TNRC18: variants seen among roughly 807,000 people sequenced by gnomAD.
TNRC18 encodes the protein trinucleotide repeat-containing gene 18 protein.
A neutral mutation model predicts 226.7 loss-of-function variants in TNRC18; 69 were observed. The observed-to-expected ratio is 0.30, with a 90% CI of 0.25 to 0.37. The LOEUF (loss-of-function observed/expected upper bound fraction) is 0.37, where lower values mean the gene tolerates loss of function less well. TNRC18 is among the 10% of genes least tolerant of loss of function. The pLI, the probability that TNRC18 is intolerant of heterozygous loss-of-function variation, is 1.00. For synonymous variants in TNRC18, 2,449 were observed against 1,927.6 expected (o/e 1.27, Z -7.09); for missense variants, 4,754 against 4,256.6 (o/e 1.12, Z -3.25).
At chr7:5,318,767 G>C (rs752556039) in intron 24 of TNRC18, among the ~76,000 whole-genome samples, 3 of 152,148 alleles carry the variant, frequency 2.0e-5, no homozygotes, top group Non-Finnish European at 4.4e-5. Context: ...CTTTGAAATG[G>C]TGAGGGGAAC....
intron 19 of TNRC18, among the ~76,000 whole-genome samples, chr7:5,329,613 G>A (rs1212655699): frequency 6.6e-6 from 1 of 150,582 alleles, no homozygotes; most frequent in Non-Finnish European, 1.5e-5. Flanking sequence ...AACCTGGGAG[G>A]CGGAGGTTGC....
At chr7:5,329,284 T>C (rs1789261270) in intron 19 of TNRC18, among the ~76,000 whole-genome samples, 3 of 149,714 alleles carry the variant, frequency 2.0e-5, no homozygotes, top group Admixed American at 6.7e-5. Context: ...GTCTGGGCAG[T>C]AGGACAGATT....
Position 5,377,086 on chromosome 7 carries a change from T to G in TNRC18, c.2462-93A>C. 6.7e-7 allele frequency: 1 copy of G among 1,495,910 alleles called. No homozygotes were observed. 92.7% of individuals were successfully genotyped at this position (1,495,910 alleles called of 1,614,324 possible). Reference sequence around the variant, plus strand: ...CAGCCCAGCACCACCTCCCAAGTCCTGAACCTCCTGGGGCCTCCAGTGGGG... The same window carrying G: ...CAGCCCAGCACCACCTCCCAAGTCCGGAACCTCCTGGGGCCTCCAGTGGGG... On this transcript the variant is annotated intron_variant, in intron 7 of 29. Coordinates refer to ENST00000430969, the MANE Select transcript of TNRC18 (RefSeq NM_001080495.3). This position sits in a 1 kb window ranked among gnomAD's most constrained non-coding sequence, Gnocchi z 5.8.
chr7:5,411,366 G>T (rs1233033634), intron 2 of TNRC18, among the ~76,000 whole-genome samples: 1 of 151,576 alleles, frequency 6.6e-6, no homozygotes, highest in African/African-American at 2.4e-5. Flanking sequence ...AAATCCTAGA[G>T]GGAAGGCCGT....
intron 19 of TNRC18, 29 bp from the exon 20 acceptor site, chr7:5,325,277 A>G: frequency 6.5e-7 from 1 of 1,542,130 alleles, no homozygotes; most frequent in South Asian, 1.2e-5. Flanking sequence ...GAGAGGAGCC[A>G]TCAAACGGCA....
At chr7:5,383,732 G>A (rs1360596373) in intron 5 of TNRC18, among the ~76,000 whole-genome samples, 1 of 152,082 alleles carries the variant, frequency 6.6e-6, no homozygotes. Flanking sequence ...GGACTGCCCA[G>A]AGAGAAATGA....
Position 5,361,273 on chromosome 7 carries a change from C to T in TNRC18, c.4661+321G>A, listed in dbSNP as rs73338477. ...AGGCTGGCAGCCCAGCGGGTCCTTC[C>T]GCAGGGAGGAGGCGCGTGGAAAAGA... On this transcript the variant is annotated intron_variant, in intron 14 of 29. Coordinates refer to ENST00000430969, the MANE Select transcript of TNRC18 (RefSeq NM_001080495.3). Among the ~76,000 whole-genome samples the T allele has an allele frequency of 3.2e-3, 488 of 152,308 alleles. 4 individuals are homozygous for T. The highest frequency in any genetic ancestry group is 0.011 in the African/African-American group (460 of 41,558).
At chr7:5,371,779 C>G (rs1243463599) in intron 10 of TNRC18, among the ~76,000 whole-genome samples, 1 of 151,602 alleles carries the variant, frequency 6.6e-6, no homozygotes, top group Non-Finnish European at 1.5e-5. Flanking sequence ...TGTTCAAAAT[C>G]TAACAGCAGA....
At chr7:5,348,608 G>A (rs1791451579) in intron 17 of TNRC18, among the ~76,000 whole-genome samples, 1 of 151,940 alleles carries the variant, frequency 6.6e-6, no homozygotes, top group African/African-American at 2.4e-5. Context: ...AGAGAGGAAG[G>A]CGGTGAAGGT....
intron 16 of TNRC18, among the ~76,000 whole-genome samples, chr7:5,354,275 A>G (rs1216359445): frequency 6.6e-6 from 1 of 152,088 alleles, no homozygotes; most frequent in Non-Finnish European, 1.5e-5. Flanking sequence ...GCCAAGAGTG[A>G]ACACACCAGC....
rs570009768 is a variant in TNRC18 at position 5,312,187 on chromosome 7, G to A, written c.8388+316C>T. On this transcript the variant is annotated intron_variant, in intron 27 of 29. Transcript: ENST00000430969. The surrounding 1 kb of genome is among the most constrained non-coding windows in gnomAD (Gnocchi z 6.3). ...GAGGCCTGGAAAGCCCCTTCCACGT[G>A]GCGCCGACGCCTGTGGGTCTGTGCT... 3.5e-4 allele frequency among the ~76,000 whole-genome samples: 53 copies of A among 152,278 alleles called. No homozygotes were observed. In the South Asian group the frequency reaches 0.01, roughly 30 times the overall value.
intron 10 of TNRC18, 32 bp downstream of exon 10, chr7:5,374,023 G>A: frequency 6.8e-7 from 1 of 1,472,178 alleles, no homozygotes; most frequent in Non-Finnish European, 9.0e-7. Flanking sequence ...CAGGGGCAGA[G>A]TGAGACCCTG....
intron 9 of TNRC18, 52 bp from the exon 10 acceptor site, chr7:5,374,536 C>A: frequency 6.6e-7 from 1 of 1,505,346 alleles, no homozygotes; most frequent in East Asian, 2.6e-5. Flanking sequence ...TCCCCCTCCC[C>A]GACGCCCGCA....
chr7:5,333,024 T>C lies in TNRC18; in HGVS notation c.5745A>G (p.Ser1915=). The change falls in exon 19 of 30, where the codon TCA becomes TCG. Residue 1915 remains serine (S), a synonymous_variant. Coordinates refer to ENST00000430969, the MANE Select transcript of TNRC18 (RefSeq NM_001080495.3). ...GCTTGCGCACCTTGACCTCGCTCTCTGAGTCGGTGTACTCGAACTCTGTGC... is the reference window on the plus strand; with the variant it reads ...GCTTGCGCACCTTGACCTCGCTCTCCGAGTCGGTGTACTCGAACTCTGTGC... ...LLGTEFEYTD[S]ESEVKVRKRS... 2 of 1,578,628 alleles carry C rather than the reference T, an allele frequency of 1.3e-6. No homozygotes were observed. The highest frequency in any genetic ancestry group is 1.7e-6 in the Non-Finnish European group (2 of 1,170,508).
At chr7:5,354,350 G>A (rs1475327082) in intron 16 of TNRC18, among the ~76,000 whole-genome samples, 1 of 151,860 alleles carries the variant, frequency 6.6e-6, no homozygotes, top group Non-Finnish European at 1.5e-5. Context: ...CCCCATCCAC[G>A]TCCACCTGAA....
At chr7:5,397,158 C>G (rs1482647868) in intron 2 of TNRC18, among the ~76,000 whole-genome samples, 2 of 152,134 alleles carry the variant, frequency 1.3e-5, no homozygotes, top group Admixed American at 6.5e-5. Flanking sequence ...CCCGGGGCCT[C>G]GGTGGCCAGT....
chr7:5,356,168 T>TAAAAA (rs1172689513), intron 16 of TNRC18, among the ~76,000 whole-genome samples: 5 of 99,422 alleles, frequency 5.0e-5, no homozygotes, highest in Non-Finnish European at 8.2e-5. Context: ...CGTCTCAAAT[T>TAAAAA]AAAAAAAAAA....
intron 10 of TNRC18, among the ~76,000 whole-genome samples, chr7:5,373,359 T>TC (rs1008443981): frequency 3.9e-5 from 6 of 152,114 alleles, no homozygotes; most frequent in African/African-American, 1.4e-4. Context: ...CCCAGTTCTG[T>TC]CCCCCAAGTG....
In TNRC18 at chr7:5,388,182, TG is replaced by T; in HGVS notation, c.1641del (p.Lys548ArgfsTer42). The stretch of plus-strand genomic sequence containing the variant: ...GCCCCAGGGTCCAGGTAGGCCTTCT[TG>T]GAGGAGGAGGCAGCGACCACGGCGG... The part of the protein sequence containing the change: ...EEAAVVAASS[S>X]KKAYLDPGAV... On this transcript the variant is annotated frameshift_variant, in exon 5 of 30. Transcript: ENST00000430969. LOFTEE classifies it high-confidence loss of function. 1 of 1,586,000 alleles carries T rather than the reference TG, an allele frequency of 6.3e-7. No individual in the cohort carries two copies. Among genetic ancestry groups the T allele is most frequent in the Non-Finnish European group, 8.6e-7 (1 of 1,167,958 alleles).
Sources: gnomAD v4.1 joint callset for allele counts (sites outside exome capture counted in the v4.1 genomes callset) on GRCh38, gnomAD v4.1.1 for gene constraint, Gnocchi (gnomAD v3.1) non-coding constraint, MANE v1.5 for transcripts, NCBI Gene and HGNC (gene_info 2026-07-23, HGNC 2026-07-21) for gene names.